The following SPRR2G variants were observed in gnomAD, a reference collection of about 807,000 sequenced individuals.
SPRR2G encodes the protein small proline rich protein 2G.
Under a neutral mutation model 0.7 loss-of-function variants are expected in SPRR2G, and 1 was observed. The observed-to-expected ratio is 1.49, with a 90% confidence interval of 0.53 to 7.06. The LOEUF (loss-of-function observed/expected upper bound fraction) is 7.06. Ranked by LOEUF, SPRR2G falls within the 30% of genes most tolerant of loss-of-function variation. The probability of loss-of-function intolerance (pLI) is 0.14; values close to 1 mark genes in which losing one functional copy is unlikely to be tolerated. For synonymous variants in SPRR2G, 38 were observed against 33.9 expected (o/e 1.12, Z -0.42); for missense variants, 96 against 88.5 (o/e 1.09, Z -0.34).
chr1:153,185,344 T>A, the SPRR2G span, among the ~76,000 whole-genome samples: 8 of 151,762 alleles, frequency 5.3e-5, no homozygotes, highest in Admixed American at 3.9e-4. Context: ...CTGGGCTTTT[T>A]TTTTTTTTTT....
chr1:153,158,450 G>T, the SPRR2G span, among the ~76,000 whole-genome samples: 1 of 152,232 alleles, frequency 6.6e-6, no homozygotes, highest in Admixed American at 6.5e-5. Flanking sequence ...CTGATGCAAG[G>T]GGTAAGTTTC....
chr1:153,180,769 TA>T, the SPRR2G span, among the ~76,000 whole-genome samples: 1 of 152,170 alleles, frequency 6.6e-6, no homozygotes, highest in Non-Finnish European at 1.5e-5. Context: ...ACACTCTGTC[TA>T]AACTTGGTAT....
At chr1:153,180,727 C>T in the SPRR2G span, among the ~76,000 whole-genome samples, 1 of 152,146 alleles carries the variant, frequency 6.6e-6, no homozygotes, top group Non-Finnish European at 1.5e-5. Flanking sequence ...CTATTATTCC[C>T]ATCAGCAGTG....
At chr1:153,180,470 T>C in the SPRR2G span, among the ~76,000 whole-genome samples, 2 of 152,226 alleles carry the variant, frequency 1.3e-5, no homozygotes, top group African/African-American at 4.8e-5. Context: ...TGCTGTATGG[T>C]ATTTCTCTAT....
chr1:153,171,749 CTT>C, the SPRR2G span, among the ~76,000 whole-genome samples: 2 of 152,142 alleles, frequency 1.3e-5, no homozygotes, highest in Non-Finnish European at 2.9e-5. Flanking sequence ...AGTGAAGTCT[CTT>C]TTTTTGCCCA....
the SPRR2G span, among the ~76,000 whole-genome samples, chr1:153,186,879 T>C: frequency 2.6e-5 from 4 of 152,208 alleles, no homozygotes; most frequent in African/African-American, 4.8e-5. Flanking sequence ...CAGGAGCTCT[T>C]GTAAGGTTGG....
the SPRR2G span, among the ~76,000 whole-genome samples, chr1:153,170,990 A>G: frequency 6.6e-6 from 1 of 152,332 alleles, no homozygotes; most frequent in East Asian, 1.9e-4. Flanking sequence ...ATCCACGATC[A>G]GCTCATTCCA....
the SPRR2G span, among the ~76,000 whole-genome samples, chr1:153,180,220 A>G: frequency 6.6e-6 from 1 of 152,194 alleles, no homozygotes; most frequent in Non-Finnish European, 1.5e-5. Context: ...TGTTACCAGC[A>G]TCTCAGAAGC....
upstream of SPRR2G, among the ~76,000 whole-genome samples, chr1:153,154,004 T>A (rs1009913628): frequency 3.9e-5 from 6 of 152,152 alleles, no homozygotes; most frequent in African/African-American, 1.4e-4. Flanking sequence ...CTATACCTAA[T>A]TCGTTGAGTG....
chr1:153,175,888 C>T, the SPRR2G span, among the ~76,000 whole-genome samples: 1 of 152,080 alleles, frequency 6.6e-6, no homozygotes, highest in Non-Finnish European at 1.5e-5. Context: ...GAAACTCCGT[C>T]TCTACTAAAA....
chr1:153,151,387 G>A (rs549154678), upstream of SPRR2G, among the ~76,000 whole-genome samples: 29 of 152,250 alleles, frequency 1.9e-4, no homozygotes, highest in African/African-American at 6.5e-4. Context: ...ACAATTAATT[G>A]ACTTGAACAG....
chr1:153,168,307 C>T, the SPRR2G span, among the ~76,000 whole-genome samples: 4 of 152,226 alleles, frequency 2.6e-5, no homozygotes, highest in Non-Finnish European at 4.4e-5. Context: ...AGTTCCACTT[C>T]AGTTGTGTCT....
the SPRR2G span, among the ~76,000 whole-genome samples, chr1:153,167,563 C>T: frequency 6.6e-5 from 10 of 152,080 alleles, no homozygotes; most frequent in African/African-American, 2.4e-4. Flanking sequence ...GATATGTTTA[C>T]TGTATTGGTA....
chr1:153,199,064 A>G, the SPRR2G span, among the ~76,000 whole-genome samples: 1 of 152,248 alleles, frequency 6.6e-6, no homozygotes, highest in African/African-American at 2.4e-5. Context: ...ACCCTGAACC[A>G]TGTCCATGAG....
chr1:153,151,930 A>C (rs560453366), upstream of SPRR2G, among the ~76,000 whole-genome samples: 1 of 152,328 alleles, frequency 6.6e-6, no homozygotes, highest in South Asian at 2.1e-4. Flanking sequence ...AGTATTACTC[A>C]CTGTCCCAAC....
chr1:153,169,041 G>A, the SPRR2G span, among the ~76,000 whole-genome samples: 6 of 152,154 alleles, frequency 3.9e-5, no homozygotes, highest in African/African-American at 7.2e-5. Context: ...GGCCAAGGGG[G>A]CCCCAGAGAA....
At chr1:153,155,607 A>G (rs1284094644), upstream of SPRR2G, among the ~76,000 whole-genome samples, 1 of 152,148 alleles carries the variant, frequency 6.6e-6, no homozygotes, top group African/African-American at 2.4e-5. Flanking sequence ...AAATCTGACT[A>G]CATCACTTGC....
chr1:153,157,075 T>C, the SPRR2G span, among the ~76,000 whole-genome samples: 3 of 152,178 alleles, frequency 2.0e-5, no homozygotes, highest in African/African-American at 4.8e-5. Context: ...ATCACACCAC[T>C]TTCTACTGAA....
upstream of SPRR2G, among the ~76,000 whole-genome samples, chr1:153,155,077 G>A (rs1656554582): frequency 6.6e-6 from 1 of 152,012 alleles, no homozygotes; most frequent in Non-Finnish European, 1.5e-5. Context: ...AATGCCAAAT[G>A]GAGTCCTCTG....
Sources: allele counts gnomAD v4.1 joint callset (sites outside exome capture counted in the v4.1 genomes callset), GRCh38; gene constraint gnomAD v4.1.1; transcripts MANE v1.5; gene names NCBI Gene and HGNC (gene_info 2026-07-23, HGNC 2026-07-21).